Variants in SSBP2 observed in about 807,000 individuals in gnomAD.
SSBP2 encodes the protein single-stranded DNA-binding protein 2.
Under a neutral mutation model 61.8 loss-of-function variants are expected in SSBP2, and 17 were observed. That is an observed-to-expected ratio of 0.28 (90% CI 0.19 to 0.41). The LOEUF (loss-of-function observed/expected upper bound fraction) is 0.41, where lower values mean the gene tolerates loss of function less well. SSBP2 is among the 10% of genes least tolerant of loss of function. SSBP2 has a pLI of 1.00. For synonymous variants in SSBP2, 139 were observed against 141.3 expected, an observed-to-expected ratio of 0.98 and a Z score of 0.12; for missense variants, 310 against 458.7, an observed-to-expected ratio of 0.68 and a Z score of 2.96.
At chr5:81,699,643 G>A (rs187909715) in intron 1 of SSBP2, among the ~76,000 whole-genome samples, 90 of 152,094 alleles carry the variant, frequency 5.9e-4, no homozygotes, top group Admixed American at 3.9e-3. Context: ...CCTCAACTCC[G>A]GTCTTGAAAC....
chr5:81,462,640 A>T (rs1764619633), intron 9 of SSBP2, among the ~76,000 whole-genome samples: 1 of 152,228 alleles, frequency 6.6e-6, no homozygotes, highest in Non-Finnish European at 1.5e-5. Flanking sequence ...ACACTTCAGA[A>T]AAATGATTTT....
At chr5:81,538,668 A>C (rs923390214) in intron 4 of SSBP2, among the ~76,000 whole-genome samples, 4 of 152,238 alleles carry the variant, frequency 2.6e-5, no homozygotes, top group African/African-American at 9.6e-5. Context: ...GGGGGCTTTA[A>C]GCTGAAGCCA....
At chr5:81,490,716 T>C (rs1012403586) in intron 5 of SSBP2, among the ~76,000 whole-genome samples, 6 of 152,202 alleles carry the variant, frequency 3.9e-5, no homozygotes, top group South Asian at 4.1e-4. Flanking sequence ...GTATAGATTT[T>C]TCCTGTAGTA....
At chr5:81,489,883 C>T (rs571943196) in intron 5 of SSBP2, among the ~76,000 whole-genome samples, 5 of 151,938 alleles carry the variant, frequency 3.3e-5, no homozygotes, top group African/African-American at 9.7e-5. Flanking sequence ...GTGGGTGTGG[C>T]GGCACACACC....
intron 5 of SSBP2, among the ~76,000 whole-genome samples, chr5:81,498,340 C>T (rs553909939): frequency 9.2e-5 from 14 of 152,102 alleles, no homozygotes; most frequent in African/African-American, 3.4e-4. Flanking sequence ...ATATTAACTA[C>T]GTATATACCA....
intron 5 of SSBP2, among the ~76,000 whole-genome samples, chr5:81,499,758 T>G (rs892633848): frequency 4.6e-5 from 7 of 152,172 alleles, no homozygotes; most frequent in Non-Finnish European, 7.4e-5. Context: ...AAACAATAAT[T>G]TTTAAAAATC....
chr5:81,577,864 G>T (rs1334730554), intron 4 of SSBP2, among the ~76,000 whole-genome samples: 1 of 151,896 alleles, frequency 6.6e-6, no homozygotes, highest in Non-Finnish European at 1.5e-5. Flanking sequence ...GTTATTAATA[G>T]CAATAGTAGA....
At chr5:81,601,020 A>G (rs904663551) in intron 4 of SSBP2, among the ~76,000 whole-genome samples, 3 of 152,220 alleles carry the variant, frequency 2.0e-5, no homozygotes, top group African/African-American at 7.2e-5. Context: ...AGTGTAATTG[A>G]CATGAAGTAC....
At chr5:81,534,297 T>C (rs1489496359) in intron 4 of SSBP2, among the ~76,000 whole-genome samples, 1 of 152,094 alleles carries the variant, frequency 6.6e-6, no homozygotes, top group African/African-American at 2.4e-5. Flanking sequence ...CAGGATATCA[T>C]GTCCAGCTAT....
chr5:81,666,155 A>C (rs1311699333), intron 1 of SSBP2, among the ~76,000 whole-genome samples: 4 of 152,220 alleles, frequency 2.6e-5, no homozygotes, highest in Non-Finnish European at 4.4e-5. Context: ...TCAGAGTGTC[A>C]AAATCTCTGC....
At position 81,677,828 on chromosome 5, in the gene SSBP2, TG is replaced by T. The variant is rs1316448941; in HGVS notation, c.63-27490del. The stretch of plus-strand genomic sequence containing the variant: ...CAGACATCTTGTCCCACCTTAAGGG[TG>T]AAAAAAAAAAAAAAAAAGCACTGAT... On this transcript the variant is annotated intron_variant, in intron 1 of 16. Coordinates refer to ENST00000320672, the MANE Select transcript of SSBP2 (RefSeq NM_012446.5). Among the ~76,000 whole-genome samples, 5 of 112,092 alleles carry T rather than the reference TG, an allele frequency of 4.5e-5. No homozygotes were observed. The East Asian group carries it at 1.0e-3, about 23-fold the overall frequency. The allele number at this position is 112,092 out of a possible 152,430, so 73.5% of individuals were successfully genotyped here. A position where few individuals can be genotyped will look rare whatever the true frequency, so the allele number is the denominator to read the frequency against.
chr5:81,585,393 T>C (rs1041722771), intron 4 of SSBP2, among the ~76,000 whole-genome samples: 1 of 152,150 alleles, frequency 6.6e-6, no homozygotes, highest in African/African-American at 2.4e-5. Context: ...ATATAAGATA[T>C]AAGCTAAATC....
chr5:81,591,848 G>C (rs1008827904), intron 4 of SSBP2, among the ~76,000 whole-genome samples: 3 of 151,424 alleles, frequency 2.0e-5, no homozygotes, highest in African/African-American at 4.8e-5. Flanking sequence ...AGAAAGGACA[G>C]AGAGGAGGAG....
intron 11 of SSBP2, among the ~76,000 whole-genome samples, chr5:81,447,583 T>A (rs6452409): frequency 0.3 from 46,182 of 152,088 alleles, 7,571 homozygotes; most frequent in African/African-American, 0.4. Context: ...CTTTTTCAGA[T>A]GCTCTATGTA....
At chr5:81,750,089 C>T (rs1469633430) in intron 1 of SSBP2, among the ~76,000 whole-genome samples, 2 of 151,930 alleles carry the variant, frequency 1.3e-5, no homozygotes, top group African/African-American at 4.8e-5. Flanking sequence ...AAAAGTTCGC[C>T]AGCCGCCGCC....
chr5:81,524,214 T>C (rs972574303), intron 4 of SSBP2, among the ~76,000 whole-genome samples: 1 of 152,130 alleles, frequency 6.6e-6, no homozygotes, highest in African/African-American at 2.4e-5. Context: ...GGCTTCTAAA[T>C]CCTGTAAGCC....
chr5:81,532,838 CAA>C (rs1433884802), intron 4 of SSBP2, among the ~76,000 whole-genome samples: 3 of 151,712 alleles, frequency 2.0e-5, no homozygotes, highest in Non-Finnish European at 2.9e-5. Context: ...ATCAAAATGA[CAA>C]AACAATATTA....
At chr5:81,518,132 T>C (rs970489484) in intron 4 of SSBP2, among the ~76,000 whole-genome samples, 1 of 152,092 alleles carries the variant, frequency 6.6e-6, no homozygotes, top group Non-Finnish European at 1.5e-5. Flanking sequence ...AAAAATAATT[T>C]CATGTGTATG....
chr5:81,435,132 G>C (rs1389660102), intron 15 of SSBP2, among the ~76,000 whole-genome samples: 1 of 152,184 alleles, frequency 6.6e-6, no homozygotes, highest in Non-Finnish European at 1.5e-5. Flanking sequence ...CTAGCACATT[G>C]TTAAGTGGCA....
Sources: allele counts gnomAD v4.1 joint callset (sites outside exome capture counted in the v4.1 genomes callset), GRCh38; gene constraint gnomAD v4.1.1; transcripts MANE v1.5; gene names NCBI Gene and HGNC (gene_info 2026-07-23, HGNC 2026-07-21).